CHRM3: variants seen among roughly 807,000 people sequenced by gnomAD.
CHRM3 encodes the protein muscarinic acetylcholine receptor M3.
Under a neutral mutation model 41.8 loss-of-function variants are expected in CHRM3, and 11 were observed. The ratio of observed to expected loss-of-function variants is 0.26; its 90% CI spans 0.17 to 0.44. The LOEUF (loss-of-function observed/expected upper bound fraction) is 0.44, where lower values mean the gene tolerates loss of function less well. CHRM3 is among the 20% of genes least tolerant of loss of function. The probability of loss-of-function intolerance (pLI) is 1.00; values close to 1 mark genes in which losing one functional copy is unlikely to be tolerated. For synonymous variants in CHRM3, 297 were observed against 301.4 expected (o/e 0.99, Z 0.15); for missense variants, 571 against 745.4 (o/e 0.77, Z 2.72).
intron 3 of CHRM3, among the ~76,000 whole-genome samples, chr1:239,613,083 T>C (rs1292869555): frequency 2.0e-5 from 3 of 152,218 alleles, no homozygotes; most frequent in African/African-American, 7.2e-5. Context: ...GAAAACTATA[T>C]GGCAAATGGG....
rs183319749 is a variant in CHRM3 at position 239,401,631 on chromosome 1, C to T, written c.-521+14404C>T. Reference sequence around the variant, plus strand: ...TCAGCCTCCTGAGTAGCCCGGACTACAGGCACACACCACCACACCCAGCTA... The same window carrying T: ...TCAGCCTCCTGAGTAGCCCGGACTATAGGCACACACCACCACACCCAGCTA... On this transcript the variant is annotated intron_variant, in intron 1 of 6. Transcript: ENST00000676153. 3.4e-4 allele frequency among the ~76,000 whole-genome samples: 51 copies of T among 152,194 alleles called. 1 individual carries two copies. The East Asian group carries it at 9.3e-3, about 28-fold the overall frequency.
intron 1 of CHRM3, among the ~76,000 whole-genome samples, chr1:239,426,279 G>A (rs1296646329): frequency 6.6e-6 from 1 of 150,632 alleles, no homozygotes; most frequent in Non-Finnish European, 1.5e-5. Context: ...GTGGAAGTCA[G>A]TGTGGCGATT....
At chr1:239,771,504 T>C (rs1000011803) in intron 5 of CHRM3, among the ~76,000 whole-genome samples, 1 of 152,198 alleles carries the variant, frequency 6.6e-6, no homozygotes, top group African/African-American at 2.4e-5. Context: ...AGCACAAAGA[T>C]GTATCAGGTT....
At chr1:239,663,609 A>G (rs1271247485) in intron 4 of CHRM3, among the ~76,000 whole-genome samples, 1 of 152,240 alleles carries the variant, frequency 6.6e-6, no homozygotes, top group East Asian at 1.9e-4. Flanking sequence ...GAAGCTTTAT[A>G]TATTAGGTTT....
At chr1:239,551,698 CAT>C (rs1172825484) in intron 3 of CHRM3, among the ~76,000 whole-genome samples, 1 of 152,128 alleles carries the variant, frequency 6.6e-6, no homozygotes, top group Non-Finnish European at 1.5e-5. Context: ...TGTTTTAACA[CAT>C]GACGCCCATC....
intron 5 of CHRM3, among the ~76,000 whole-genome samples, chr1:239,791,996 A>C (rs1669392320): frequency 6.6e-6 from 1 of 152,246 alleles, no homozygotes; most frequent in African/African-American, 2.4e-5. Flanking sequence ...AAGACAGAGA[A>C]GAGTTCATTG....
In CHRM3 at chr1:239,609,951, GGGA is replaced by G. The variant is rs1272096646; in HGVS notation, c.-312-22270_-312-22268del. ...CTCAAGCCTGTAATCCCAGCACTTTGGGAGGCCGAGGTGGGTGGATCACGAGGT... is the reference window on the plus strand; with the variant it reads ...CTCAAGCCTGTAATCCCAGCACTTTGGGCCGAGGTGGGTGGATCACGAGGT... On this transcript the variant is annotated intron_variant, in intron 3 of 6. Transcript: ENST00000676153. Among the ~76,000 whole-genome samples the G allele has an allele frequency of 2.0e-5, 3 of 152,120 alleles. No individual in the cohort carries two copies. The East Asian group carries it at 5.8e-4, about 30-fold the overall frequency.
intron 5 of CHRM3, among the ~76,000 whole-genome samples, chr1:239,680,666 A>G (rs1468615678): frequency 2.0e-5 from 3 of 152,006 alleles, no homozygotes; most frequent in Middle Eastern, 3.4e-3. Context: ...AAAATTTGAT[A>G]TGGGTGAATT....
chr1:239,394,313 C>T (rs1315765933), intron 1 of CHRM3, among the ~76,000 whole-genome samples: 1 of 152,214 alleles, frequency 6.6e-6, no homozygotes, highest in Non-Finnish European at 1.5e-5. Context: ...CATTCCTTGA[C>T]TTGTGAGCAT....
At chr1:239,413,969 C>G (rs1296437864) in intron 1 of CHRM3, among the ~76,000 whole-genome samples, 1 of 151,992 alleles carries the variant, frequency 6.6e-6, no homozygotes, top group Non-Finnish European at 1.5e-5. Context: ...TAACACAAAC[C>G]CAAGCATGAG....
chr1:239,855,840 A>G (rs535457369), intron 6 of CHRM3, among the ~76,000 whole-genome samples: 1 of 152,202 alleles, frequency 6.6e-6, no homozygotes, highest in Non-Finnish European at 1.5e-5. Context: ...CCCTCTGTCC[A>G]TCTAAAAATC....
At chr1:239,570,459 T>C (rs1220687958) in intron 3 of CHRM3, among the ~76,000 whole-genome samples, 1 of 152,192 alleles carries the variant, frequency 6.6e-6, no homozygotes, top group African/African-American at 2.4e-5. Flanking sequence ...GAGCCCTTGC[T>C]CTCCCTGGTG....
At chr1:239,396,231 G>T (rs1475166194) in intron 1 of CHRM3, among the ~76,000 whole-genome samples, 1 of 152,068 alleles carries the variant, frequency 6.6e-6, no homozygotes, top group African/African-American at 2.4e-5. Flanking sequence ...TGAAATATCA[G>T]ACTGTGAACT....
chr1:239,663,905 G>T (rs1405207291), intron 4 of CHRM3, among the ~76,000 whole-genome samples: 1 of 152,084 alleles, frequency 6.6e-6, no homozygotes, highest in Non-Finnish European at 1.5e-5. Context: ...GAACCAGTAG[G>T]ATGAAATGTT....
intron 5 of CHRM3, among the ~76,000 whole-genome samples, chr1:239,700,347 G>T (rs1039873448): frequency 1.3e-5 from 2 of 152,060 alleles, no homozygotes; most frequent in African/African-American, 4.8e-5. Context: ...GCATGAGTAC[G>T]TTCAGTGACA....
At chr1:239,584,250 T>C (rs1412637316) in intron 3 of CHRM3, among the ~76,000 whole-genome samples, 1 of 151,822 alleles carries the variant, frequency 6.6e-6, no homozygotes, top group African/African-American at 2.4e-5. Context: ...ATTACAGGTG[T>C]GTGCCACCAT....
chr1:239,668,089 C>CTTTTTTTTTTTTT (rs1221135009), intron 4 of CHRM3, among the ~76,000 whole-genome samples: 2 of 75,598 alleles, frequency 2.6e-5, no homozygotes, highest in Non-Finnish European at 5.3e-5. Flanking sequence ...TTTCCCCTTT[C>CTTTTTTTTTTTTT]TTTTTTTTTT....
intron 1 of CHRM3, among the ~76,000 whole-genome samples, chr1:239,393,257 A>G (rs1190699248): frequency 6.6e-6 from 1 of 152,236 alleles, no homozygotes; most frequent in African/African-American, 2.4e-5. Context: ...TATGTTGATG[A>G]CTATATTTAA....
At position 239,834,148 on chromosome 1, in the gene CHRM3, TCACACA is replaced by T. The variant is rs34990180; in HGVS notation, c.-20+6806_-20+6811del. Among the ~76,000 whole-genome samples the T allele has an allele frequency of 6.3e-3, 852 of 135,310 alleles. 17 individuals carry two copies. The East Asian group carries it at 0.064, about 10-fold the overall frequency. 88.8% of individuals were successfully genotyped at this position (135,310 alleles called of 152,430 possible). ...CCCCTTCTGGCTGTATAATTCCACA[TCACACA>T]CACACACACACACACACACACACAC... On this transcript the variant is annotated intron_variant, in intron 6 of 6. Coordinates refer to ENST00000676153, the MANE Select transcript of CHRM3 (RefSeq NM_001375978.1).
Sources: allele counts gnomAD v4.1 joint callset (sites outside exome capture counted in the v4.1 genomes callset), GRCh38; gene constraint gnomAD v4.1.1; transcripts MANE v1.5; gene names NCBI Gene and HGNC (gene_info 2026-07-23, HGNC 2026-07-21).